The following ORC2 variants were observed in gnomAD, a reference collection of about 807,000 sequenced individuals.
The protein encoded by ORC2 is origin recognition complex subunit 2, also known as origin recognition complex protein 2 homolog.
Under a neutral mutation model 77.7 loss-of-function variants are expected in ORC2, and 37 were observed. The observed-to-expected ratio is 0.48, with a 90% confidence interval of 0.37 to 0.63. The LOEUF (loss-of-function observed/expected upper bound fraction) is 0.63. Ranked by LOEUF, ORC2 falls within the 20% of genes least tolerant of loss-of-function variation. The pLI is 0.00. For synonymous variants in ORC2, 201 were observed against 229.5 expected (o/e 0.88, Z 1.12); for missense variants, 557 against 661.9 (o/e 0.84, Z 1.74).
In ORC2 at chr2:200,957,516, C is replaced by T; in HGVS notation, c.123G>A (p.Gln41=). Reference sequence around the variant, plus strand: ...TTATTTTTTTGGGGTTGACCAAAAGCTGCGCTCGCTCCTTCTTCAATTTAG... The same window carrying T: ...TTATTTTTTTGGGGTTGACCAAAAGTTGCGCTCGCTCCTTCTTCAATTTAG... ...GGAKLKKERA[Q]LLVNPKKIIK... is the part of the protein sequence containing the mutation. The change falls in exon 4 of 18, where the codon CAG becomes CAA. Residue 41 remains glutamine (Q), a synonymous_variant. Transcript: ENST00000234296. 1 of 1,608,682 alleles carries T rather than the reference C, an allele frequency of 6.2e-7. No homozygotes were observed. Among genetic ancestry groups the T allele is most frequent in the Non-Finnish European group, 8.5e-7 (1 of 1,177,470 alleles).
chr2:200,959,470 T>A (rs1171395543), intron 1 of ORC2, 30 bp from the exon 2 acceptor site: 1 of 152,194 alleles, frequency 6.6e-6, no homozygotes, highest in Non-Finnish European at 1.5e-5. Context: ...TCAGTCAGGG[T>A]CAGCTAGCAG....
intron 13 of ORC2, 46 bp from the exon 14 acceptor site, chr2:200,921,185 G>C (rs1327203166): frequency 7.6e-7 from 1 of 1,323,276 alleles, no homozygotes; most frequent in Non-Finnish European, 1.0e-6. Flanking sequence ...ATTTTTAGAG[G>C]GTCTCACTCT....
At chr2:200,941,931 G>A (rs1390465364) in intron 6 of ORC2, among the ~76,000 whole-genome samples, 1 of 151,664 alleles carries the variant, frequency 6.6e-6, no homozygotes, top group African/African-American at 2.4e-5. Flanking sequence ...AGGTTGCAAT[G>A]AGCCAAGATC....
At chr2:200,958,852 C>T (rs1051611070) in intron 2 of ORC2, among the ~76,000 whole-genome samples, 2 of 152,146 alleles carry the variant, frequency 1.3e-5, no homozygotes, top group African/African-American at 4.8e-5. Flanking sequence ...ATGCTACTGG[C>T]CTGAAAATAA....
rs1315219302 is a variant in ORC2, at chr2:200,910,550, AT to A, written c.*750del. 1 of 152,194 alleles carries A rather than the reference AT, an allele frequency of 6.6e-6. No homozygotes were observed. The highest frequency in any genetic ancestry group is 1.5e-5 in the Non-Finnish European group (1 of 68,020). The allele number at this position is 152,194 out of a possible 1,614,324, so 9.4% of individuals were successfully genotyped here. On this transcript the variant is annotated 3_prime_UTR_variant, in exon 18 of 18. Coordinates refer to ENST00000234296, the MANE Select transcript of ORC2 (RefSeq NM_006190.5). Reference sequence around the variant, plus strand: ...TTACTAAAATGTAATTCAGGATTTTATTTCTCTAGCCTGGCTTCTCACTGGT... The same window carrying A: ...TTACTAAAATGTAATTCAGGATTTTATTCTCTAGCCTGGCTTCTCACTGGT...
At chr2:200,957,018 G>A (rs368116000) in intron 4 of ORC2, among the ~76,000 whole-genome samples, 3 of 152,244 alleles carry the variant, frequency 2.0e-5, no homozygotes, top group East Asian at 1.9e-4. Flanking sequence ...GCGGGTGGGT[G>A]GAGGGAGGGA....
intron 11 of ORC2, among the ~76,000 whole-genome samples, chr2:200,927,370 C>T (rs1303905685): frequency 1.3e-5 from 2 of 151,790 alleles, no homozygotes; most frequent in African/African-American, 2.4e-5. Context: ...AGGTGTGAGC[C>T]ACCATGTCTA....
chr2:200,948,559 T>G (rs2041293334), intron 5 of ORC2, among the ~76,000 whole-genome samples: 1 of 151,870 alleles, frequency 6.6e-6, no homozygotes, highest in Non-Finnish European at 1.5e-5. Flanking sequence ...AAACTCTGGG[T>G]TTTTTTGTTT....
chr2:200,925,716 G>C (rs16835784), intron 13 of ORC2, 120 bp downstream of exon 13: 11,034 of 327,902 alleles, frequency 0.034, 318 homozygotes, highest in South Asian at 0.074. Context: ...TCCAGGCTGG[G>C]CAACAGAGAG....
chr2:200,914,383 G>A (rs1042179423), intron 15 of ORC2, among the ~76,000 whole-genome samples: 1 of 152,050 alleles, frequency 6.6e-6, no homozygotes, highest in Non-Finnish European at 1.5e-5. Context: ...AGCCAGGATG[G>A]TCTCGATCTC....
intron 4 of ORC2, among the ~76,000 whole-genome samples, chr2:200,951,418 T>C (rs1473213672): frequency 6.6e-6 from 1 of 152,216 alleles, no homozygotes; most frequent in Non-Finnish European, 1.5e-5. Flanking sequence ...AGTTAGAGTA[T>C]GTTGAGTTTC....
intron 5 of ORC2, among the ~76,000 whole-genome samples, chr2:200,946,199 G>A (rs79259045): frequency 0.036 from 5,359 of 150,910 alleles, 324 homozygotes; most frequent in African/African-American, 0.12. Flanking sequence ...TAGGTTGCAC[G>A]GGCTGGTCTC....
chr2:200,949,359 TG>T (rs1392154089), intron 5 of ORC2, among the ~76,000 whole-genome samples, 194 bp downstream of exon 5: 1 of 152,072 alleles, frequency 6.6e-6, no homozygotes, highest in Admixed American at 6.6e-5. Context: ...CATCTGAGCA[TG>T]AAAAAAACAA....
At chr2:200,949,418 T>C (rs1265905076) in intron 5 of ORC2, 136 bp downstream of exon 5, 1 of 599,544 alleles carries the variant, frequency 1.7e-6, no homozygotes, top group Non-Finnish European at 3.0e-6. Context: ...AGGGAACGTC[T>C]CATTATTCCC....
intron 3 of ORC2, 72 bp downstream of exon 3, chr2:200,957,958 A>C (rs908751818): frequency 1.0e-6 from 1 of 973,586 alleles, no homozygotes; most frequent in Admixed American, 2.0e-5. Context: ...GAAAATGTTA[A>C]AAGTTTTAAA....
rs1473636880 is a variant in ORC2 at position 200,949,653 on chromosome 2, A to G, written c.239-10T>C. 1 of 1,502,984 alleles carries G rather than the reference A, an allele frequency of 6.7e-7. No homozygotes were observed. 93.1% of individuals were successfully genotyped at this position (1,502,984 alleles called of 1,614,324 possible). On this transcript the variant is annotated splice_polypyrimidine_tract_variant and intron_variant, in intron 4 of 17. Coordinates refer to ENST00000234296, the MANE Select transcript of ORC2 (RefSeq NM_006190.5). Reference sequence around the variant, plus strand: ...CCATTTTTCAATGATTCTGAAAGAAAAAAATGCAATATACATTTAGGAAAA... The same window carrying G: ...CCATTTTTCAATGATTCTGAAAGAAGAAAATGCAATATACATTTAGGAAAA...
chr2:200,945,670 C>A (rs2041237512), intron 5 of ORC2, among the ~76,000 whole-genome samples: 1 of 152,150 alleles, frequency 6.6e-6, no homozygotes, highest in African/African-American at 2.4e-5. Flanking sequence ...GTATTTTACA[C>A]AATAAACTGG....
At chr2:200,955,434 A>G (rs1456543590) in intron 4 of ORC2, among the ~76,000 whole-genome samples, 1 of 152,218 alleles carries the variant, frequency 6.6e-6, no homozygotes, top group Non-Finnish European at 1.5e-5. Context: ...CATTAATATA[A>G]TAAGTAATAG....
At chr2:200,933,135 T>C (rs980779960) in intron 10 of ORC2, among the ~76,000 whole-genome samples, 2 of 152,174 alleles carry the variant, frequency 1.3e-5, no homozygotes, top group Non-Finnish European at 2.9e-5. Context: ...AGATTATCAA[T>C]TGCAATTATT....
Sources: gnomAD v4.1 joint callset for allele counts (sites outside exome capture counted in the v4.1 genomes callset) on GRCh38, gnomAD v4.1.1 for gene constraint, MANE v1.5 for transcripts, NCBI Gene and HGNC (gene_info 2026-07-23, HGNC 2026-07-21) for gene names.